PRR5L: variants seen among roughly 807,000 people sequenced by gnomAD.
The protein encoded by PRR5L is proline-rich protein 5-like.
In PRR5L, 21 loss-of-function variants were observed where a neutral mutation model predicts 36.4. The observed-to-expected ratio is 0.58, with a 90% CI of 0.41 to 0.83. The LOEUF (loss-of-function observed/expected upper bound fraction) is 0.83. PRR5L is among the 40% of genes least tolerant of loss of function. The pLI is 0.00. For missense variants in PRR5L, 381 were observed against 473.3 expected (o/e 0.80, Z 1.81); for synonymous variants, 188 against 197.0 (o/e 0.95, Z 0.38).
intron 8 of PRR5L, 99 bp downstream of exon 8, chr11:36,451,434 G>GT: frequency 7.1e-7 from 1 of 1,407,938 alleles, no homozygotes; most frequent in Non-Finnish European, 9.8e-7. Context: ...TACCAGCACT[G>GT]TTTAACTGAG....
chr11:36,431,861 T>G lies in PRR5L; in HGVS notation c.303T>G (p.Leu101=), dbSNP rs1163867815. The stretch of plus-strand genomic sequence containing the variant: ...TTGTTCTCTTTTGGCAGAACCAGCT[T>G]CTTGCAAAAGGACTGTTCTTTGTGG... ...SFITDYFQNQ[L]LAKGLFFVEE... is the part of the protein sequence containing the mutation. The change falls in exon 5 of 9, where the codon CTT becomes CTG. Residue 101 remains leucine, a synonymous_variant. Coordinates refer to ENST00000530639, the MANE Select transcript of PRR5L (RefSeq NM_001160167.2). 6.2e-7 allele frequency: 1 copy of G among 1,614,150 alleles called. No individual in the cohort carries two copies.
At chr11:36,435,134 A>AG (rs1858578476) in intron 5 of PRR5L, among the ~76,000 whole-genome samples, 1 of 152,080 alleles carries the variant, frequency 6.6e-6, no homozygotes, top group South Asian at 2.1e-4. Flanking sequence ...CAGGTGCTGG[A>AG]GTTCACCTTG....
rs147241956 is a variant in PRR5L, at chr11:36,385,238, T to G, written c.-125-15759T>G. Among the ~76,000 whole-genome samples, 658 of 152,324 alleles carry G rather than the reference T, an allele frequency of 4.3e-3. 2 individuals carry two copies. Among genetic ancestry groups the G allele is most frequent in the Non-Finnish European group, 6.0e-3 (407 of 68,030 alleles). The stretch of plus-strand genomic sequence containing the variant: ...CTAGACTTTTTGGCTTACCATCTGG[T>G]AGGCGCTGCAGAATCACTCTGGATG... On this transcript the variant is annotated intron_variant, in intron 1 of 8. Transcript: ENST00000530639.
At chr11:36,396,591 C>T (rs997831144) in intron 1 of PRR5L, among the ~76,000 whole-genome samples, 6 of 152,148 alleles carry the variant, frequency 3.9e-5, no homozygotes, top group African/African-American at 7.2e-5. Flanking sequence ...ATTTATTGAA[C>T]GAGCTCTTAT....
intron 1 of PRR5L, among the ~76,000 whole-genome samples, chr11:36,312,362 G>A (rs745710391): frequency 2.0e-5 from 3 of 152,208 alleles, no homozygotes; most frequent in South Asian, 4.1e-4. Flanking sequence ...GAGAACAGGG[G>A]TTGTGTACTC....
chr11:36,447,906 A>T (rs1858866214), intron 7 of PRR5L, among the ~76,000 whole-genome samples: 1 of 152,196 alleles, frequency 6.6e-6, no homozygotes, highest in South Asian at 2.1e-4. Flanking sequence ...TAATTAGAGC[A>T]TGCTTCCTGA....
chr11:36,397,505 GGA>G (rs1857690366), intron 1 of PRR5L, among the ~76,000 whole-genome samples: 1 of 132,232 alleles, frequency 7.6e-6, no homozygotes, highest in Admixed American at 8.4e-5. Flanking sequence ...TGCCCAGGCT[GGA>G]GTGCAGTGGT....
At chr11:36,376,793 A>G (rs995842637) in intron 1 of PRR5L, 1 of 905,904 alleles carries the variant, frequency 1.1e-6, no homozygotes, top group Non-Finnish European at 1.3e-6. Context: ...ACCGCGCGCT[A>G]ATCTGACGGG....
At chr11:36,313,151 A>G (rs1856521082) in intron 1 of PRR5L, among the ~76,000 whole-genome samples, 1 of 152,218 alleles carries the variant, frequency 6.6e-6, no homozygotes, top group Non-Finnish European at 1.5e-5. Context: ...AGTTCTTCTA[A>G]TAGGAACCCC....
At chr11:36,353,255 T>C (rs560836863) in intron 1 of PRR5L, among the ~76,000 whole-genome samples, 1 of 152,182 alleles carries the variant, frequency 6.6e-6, no homozygotes, top group Non-Finnish European at 1.5e-5. Context: ...CATTGCCAAG[T>C]GTCTCCAGAG....
chr11:36,332,707 C>T (rs950583930), intron 1 of PRR5L, among the ~76,000 whole-genome samples: 2 of 152,104 alleles, frequency 1.3e-5, no homozygotes, highest in Non-Finnish European at 2.9e-5. Context: ...AGTTCTCACT[C>T]TATTAGTTCA....
At chr11:36,362,022 G>C (rs1307854532) in intron 1 of PRR5L, 1 of 150,662 alleles carries the variant, frequency 6.6e-6, no homozygotes, top group African/African-American at 2.5e-5. Context: ...CAAAGTCGGG[G>C]GGTGCTGAAG....
chr11:36,431,767 C>A, intron 4 of PRR5L, 86 bp from the exon 5 acceptor site: 4 of 1,249,268 alleles, frequency 3.2e-6, no homozygotes, highest in Non-Finnish European at 4.7e-6. Flanking sequence ...GAACTCTGTG[C>A]CCTTGCCCAC....
chr11:36,442,720 A>G (rs1331412811), intron 6 of PRR5L, among the ~76,000 whole-genome samples: 1 of 152,178 alleles, frequency 6.6e-6, no homozygotes, highest in East Asian at 1.9e-4. Context: ...TGGACACAAT[A>G]CAGACAAATT....
intron 1 of PRR5L, among the ~76,000 whole-genome samples, chr11:36,370,570 A>G: frequency 6.6e-6 from 1 of 152,212 alleles, no homozygotes; most frequent in South Asian, 2.1e-4. Flanking sequence ...GTGGGAAGGA[A>G]TAACTGAAAT....
At chr11:36,341,347 C>G (rs1356654562) in intron 1 of PRR5L, among the ~76,000 whole-genome samples, 2 of 152,120 alleles carry the variant, frequency 1.3e-5, no homozygotes, top group Admixed American at 6.5e-5. Flanking sequence ...ATGGCTGGTT[C>G]AAGGGGGTGA....
intron 1 of PRR5L, among the ~76,000 whole-genome samples, chr11:36,310,736 C>T (rs768198383): frequency 5.3e-5 from 8 of 152,092 alleles, no homozygotes; most frequent in South Asian, 2.1e-4. Flanking sequence ...TGGTGGCTCA[C>T]GCCTGTAATC....
intron 1 of PRR5L, among the ~76,000 whole-genome samples, chr11:36,391,205 CTTTAT>C (rs1463069512): frequency 1.3e-5 from 2 of 152,196 alleles, no homozygotes; most frequent in South Asian, 2.1e-4. Flanking sequence ...CCACCCACTT[CTTTAT>C]TTTAAGTTGT....
chr11:36,433,700 C>A (rs1858547542), intron 5 of PRR5L, among the ~76,000 whole-genome samples: 1 of 152,166 alleles, frequency 6.6e-6, no homozygotes, highest in Non-Finnish European at 1.5e-5. Flanking sequence ...CAGGCACGTG[C>A]CACCACGCCC....
Sources: allele counts gnomAD v4.1 joint callset (sites outside exome capture counted in the v4.1 genomes callset), GRCh38; gene constraint gnomAD v4.1.1; transcripts MANE v1.5; gene names NCBI Gene and HGNC (gene_info 2026-07-23, HGNC 2026-07-21).